The following PCMT1 variants were observed in gnomAD, a reference collection of about 807,000 sequenced individuals.
PCMT1 encodes protein-L-isoaspartate (D-aspartate) O-methyltransferase.
A neutral mutation model predicts 29.2 loss-of-function variants in PCMT1; 9 were observed. The observed-to-expected ratio is 0.31, with a 90% confidence interval of 0.19 to 0.54. The LOEUF (loss-of-function observed/expected upper bound fraction) is 0.54. PCMT1 is among the 20% of genes least tolerant of loss of function. PCMT1 has a pLI of 0.95. For synonymous variants in PCMT1, 98 were observed against 97.5 expected (o/e 1.00, Z -0.03); for missense variants, 184 against 282.2 (o/e 0.65, Z 2.49).
At chr6:149,781,589 C>T (rs1483095556) in intron 3 of PCMT1, among the ~76,000 whole-genome samples, 1 of 152,166 alleles carries the variant, frequency 6.6e-6, no homozygotes, top group African/African-American at 2.4e-5. Flanking sequence ...CTCCTGAGCT[C>T]AAGCAATCCT....
chr6:149,796,792 T>G (rs534577182), intron 6 of PCMT1: 64 of 260,272 alleles, frequency 2.5e-4, no homozygotes, highest in Non-Finnish European at 3.1e-4. Flanking sequence ...ATCAGGTTTT[T>G]TTTGTTTGTT....
At chr6:149,765,922 C>T (rs745903549) in intron 1 of PCMT1, among the ~76,000 whole-genome samples, 25 of 150,912 alleles carry the variant, frequency 1.7e-4, no homozygotes, top group Non-Finnish European at 2.7e-4. Context: ...GTGGAGATCG[C>T]GCCACTGAAC....
chr6:149,775,316 A>G (rs1010428334), intron 3 of PCMT1, among the ~76,000 whole-genome samples: 3 of 152,188 alleles, frequency 2.0e-5, no homozygotes, highest in African/African-American at 7.2e-5. Context: ...GAAACATGAC[A>G]GAAAACACAG....
At chr6:149,785,471 G>T (rs1318942933) in intron 3 of PCMT1, among the ~76,000 whole-genome samples, 3 of 150,206 alleles carry the variant, frequency 2.0e-5, no homozygotes, top group Admixed American at 6.7e-5. Flanking sequence ...ATTTGGCAGG[G>T]TCATAGGACA....
chr6:149,804,060 G>T (rs1775934112), intron 7 of PCMT1, among the ~76,000 whole-genome samples: 1 of 116,078 alleles, frequency 8.6e-6, no homozygotes, highest in African/African-American at 3.6e-5. Context: ...TAGCCTGGGT[G>T]ACAGAGCGAG....
chr6:149,765,188 G>A (rs1787027002), intron 1 of PCMT1, among the ~76,000 whole-genome samples: 1 of 150,016 alleles, frequency 6.7e-6, no homozygotes, highest in South Asian at 2.1e-4. Flanking sequence ...GTGAAACCCC[G>A]TCTCTACTAA....
intron 3 of PCMT1, among the ~76,000 whole-genome samples, chr6:149,780,836 GTT>G (rs1787785173): frequency 6.6e-6 from 1 of 152,030 alleles, no homozygotes; most frequent in Admixed American, 6.6e-5. Context: ...ATTTTTGTGT[GTT>G]TTCATTTCTC....
At chr6:149,786,753 G>A (rs1459489029) in intron 3 of PCMT1, among the ~76,000 whole-genome samples, 5 of 150,606 alleles carry the variant, frequency 3.3e-5, no homozygotes, top group East Asian at 2.0e-4. Flanking sequence ...CATCTCAGAC[G>A]ATGGGCGGCT....
At chr6:149,750,015 C>T (rs781010857) in intron 1 of PCMT1, 59 bp downstream of exon 1, 30 of 1,537,048 alleles carry the variant, frequency 2.0e-5, no homozygotes, top group Non-Finnish European at 2.5e-5. Context: ...TGGACCGGGT[C>T]CCCCTGGGCC....
At chr6:149,773,083 G>T in intron 2 of PCMT1, 55 bp from the exon 3 acceptor site, 3 of 1,291,926 alleles carry the variant, frequency 2.3e-6, no homozygotes, top group Non-Finnish European at 3.3e-6. Flanking sequence ...GAAATTATGT[G>T]AAATAGTATA....
intron 2 of PCMT1, chr6:149,772,687 AAG>A (rs904065356): frequency 2.4e-5 from 10 of 414,462 alleles, no homozygotes; most frequent in African/African-American, 1.9e-4. Context: ...TAATAGAAGT[AAG>A]TTTTATTTTC....
chr6:149,754,935 A>G (rs1197718093), intron 1 of PCMT1, among the ~76,000 whole-genome samples: 2 of 152,204 alleles, frequency 1.3e-5, no homozygotes, highest in Non-Finnish European at 2.9e-5. Flanking sequence ...TACTTGTTCT[A>G]TTTTATTCAT....
intron 2 of PCMT1, 122 bp from the exon 3 acceptor site, chr6:149,773,016 G>GAAAAAAAA: frequency 2.4e-6 from 1 of 423,298 alleles, no homozygotes. Flanking sequence ...GACTGTCTCA[G>GAAAAAAAA]AAAAAAAAAA....
At chr6:149,781,085 G>A (rs182788883) in intron 3 of PCMT1, among the ~76,000 whole-genome samples, 1 of 151,720 alleles carries the variant, frequency 6.6e-6, no homozygotes, top group Admixed American at 6.6e-5. Context: ...GTTTTGATTT[G>A]CATTTCCCTA....
chr6:149,762,941 ATATATCTATGATATG>A lies in PCMT1; in HGVS notation c.56-8206_56-8192del, dbSNP rs1353922111. On this transcript the variant is annotated intron_variant, in intron 1 of 7. Transcript: ENST00000464889. Reference sequence around the variant, plus strand: ...TATATATCTATGATATATATGATATATATATCTATGATATGTATATCTATGATATATATGATATAT... The same window carrying A: ...TATATATCTATGATATATATGATATATATATCTATGATATATATGATATAT... Among the ~76,000 whole-genome samples, 64 of 49,084 alleles carry A rather than the reference ATATATCTATGATATG, an allele frequency of 1.3e-3. 22 individuals are homozygous for A. Among genetic ancestry groups the A allele is most frequent in the African/African-American group, 0.011 (59 of 5,490 alleles). The allele number at this position is 49,084 out of a possible 152,430, so 32.2% of individuals were successfully genotyped here. A position where few individuals can be genotyped will look rare whatever the true frequency, so the allele number is the denominator to read the frequency against.
intron 3 of PCMT1, among the ~76,000 whole-genome samples, chr6:149,777,320 GA>G (rs1245637241): frequency 2.0e-5 from 3 of 152,188 alleles, no homozygotes; most frequent in Non-Finnish European, 4.4e-5. Flanking sequence ...GTGGAAAATA[GA>G]ATGCATGTAT....
intron 3 of PCMT1, among the ~76,000 whole-genome samples, chr6:149,786,369 A>T (rs1471507401): frequency 1.8e-5 from 1 of 54,208 alleles, no homozygotes; most frequent in Non-Finnish European, 3.4e-5. Context: ...CGGGGGGCTG[A>T]CCCCCCCACC....
At chr6:149,779,703 A>G (rs1454183561) in intron 3 of PCMT1, among the ~76,000 whole-genome samples, 2 of 152,112 alleles carry the variant, frequency 1.3e-5, no homozygotes, top group Non-Finnish European at 2.9e-5. Context: ...CCAGCTACTC[A>G]GGAGCCTGAG....
At chr6:149,805,101 G>T (rs1225110676) in intron 7 of PCMT1, among the ~76,000 whole-genome samples, 1 of 152,102 alleles carries the variant, frequency 6.6e-6, no homozygotes, top group Non-Finnish European at 1.5e-5. Context: ...AACTAGCCAG[G>T]CGTAGTGGTG....
Sources: allele counts gnomAD v4.1 joint callset (sites outside exome capture counted in the v4.1 genomes callset), GRCh38; gene constraint gnomAD v4.1.1; transcripts MANE v1.5; gene names NCBI Gene and HGNC (gene_info 2026-07-23, HGNC 2026-07-21).